OPCML: variants seen among roughly 807,000 people sequenced by gnomAD.
OPCML encodes opioid binding protein/cell adhesion molecule like.
Under a neutral mutation model 37.8 loss-of-function variants are expected in OPCML, and 13 were observed. The ratio of observed to expected loss-of-function variants is 0.34; its 90% CI spans 0.22 to 0.55. The LOEUF (loss-of-function observed/expected upper bound fraction) is 0.55. OPCML is among the 20% of genes least tolerant of loss of function. The pLI, the probability that OPCML is intolerant of heterozygous loss-of-function variation, is 0.91. For synonymous variants in OPCML, 176 were observed against 168.8 expected (o/e 1.04, Z -0.33); for missense variants, 341 against 435.6 (o/e 0.78, Z 1.93).
chr11:133,435,463 G>A (rs761455444), intron 1 of OPCML, among the ~76,000 whole-genome samples: 2 of 152,164 alleles, frequency 1.3e-5, no homozygotes, highest in Non-Finnish European at 2.9e-5. Context: ...CATTTCTCCT[G>A]GGGTGAGTTT....
chr11:132,573,055 T>G (rs540874218), intron 3 of OPCML, among the ~76,000 whole-genome samples: 1 of 151,968 alleles, frequency 6.6e-6, no homozygotes. Flanking sequence ...GATAGTTTAT[T>G]TTTAGTATAT....
intron 7 of OPCML, 143 bp from the exon 8 acceptor site, chr11:132,420,436 A>G (rs1352116993): frequency 7.1e-7 from 1 of 1,410,160 alleles, no homozygotes; most frequent in Non-Finnish European, 9.3e-7. Flanking sequence ...GAAAAAGCCC[A>G]TTGGGAGTAT....
intron 1 of OPCML, among the ~76,000 whole-genome samples, chr11:133,391,931 C>A (rs73604513): frequency 0.017 from 2,606 of 151,924 alleles, 81 homozygotes; most frequent in African/African-American, 0.059. Context: ...CAAAGTTACC[C>A]AGATAGAAAA....
At chr11:133,499,679 G>T (rs1947862385) in intron 1 of OPCML, among the ~76,000 whole-genome samples, 1 of 151,704 alleles carries the variant, frequency 6.6e-6, no homozygotes, top group African/African-American at 2.4e-5. Flanking sequence ...GGGAGTAGAA[G>T]AGGTTTGTTG....
At chr11:133,234,302 C>T (rs1276522363) in intron 1 of OPCML, among the ~76,000 whole-genome samples, 1 of 152,048 alleles carries the variant, frequency 6.6e-6, no homozygotes, top group African/African-American at 2.4e-5. Context: ...CCATGAATAA[C>T]CAAACCTCTG....
intron 2 of OPCML, among the ~76,000 whole-genome samples, chr11:132,710,936 G>C (rs1025500029): frequency 6.6e-6 from 1 of 152,054 alleles, no homozygotes; most frequent in African/African-American, 2.4e-5. Context: ...GGTCTGGAGA[G>C]GTTTCATAGG....
intron 2 of OPCML, among the ~76,000 whole-genome samples, chr11:132,868,437 C>T (rs953390216): frequency 2.0e-5 from 3 of 151,482 alleles, no homozygotes; most frequent in Admixed American, 1.3e-4. Context: ...GCCCTGTAGG[C>T]GCCACGTTGT....
chr11:132,866,924 A>T (rs1161019995), intron 2 of OPCML, among the ~76,000 whole-genome samples: 12 of 152,184 alleles, frequency 7.9e-5, no homozygotes, highest in Non-Finnish European at 4.4e-5. Context: ...GTATTCACTG[A>T]TCAACTTCTA....
intron 2 of OPCML, among the ~76,000 whole-genome samples, chr11:132,876,774 G>T (rs1943035680): frequency 1.3e-5 from 2 of 152,140 alleles, no homozygotes; most frequent in African/African-American, 4.8e-5. Flanking sequence ...AAACATGCCT[G>T]GTGCTTTCTA....
Position 133,027,386 on chromosome 11 carries a change from G to C in OPCML, c.62-84376C>G, listed in dbSNP as rs184101443. ...AGGCTAAGTTCAGGTAACAAAGAAG[G>C]TACTTACCATAGACATGCTAGTTAA... On this transcript the variant is annotated intron_variant, in intron 1 of 7. Coordinates refer to ENST00000524381, the MANE Select transcript of OPCML (RefSeq NM_001012393.5). Among the ~76,000 whole-genome samples, 95 of 152,204 alleles carry C rather than the reference G, an allele frequency of 6.2e-4. 1 individual carries two copies. In the East Asian group the frequency reaches 0.013, roughly 21 times the overall value.
At chr11:133,484,981 A>G (rs2120382051) in intron 1 of OPCML, among the ~76,000 whole-genome samples, 1 of 152,260 alleles carries the variant, frequency 6.6e-6, no homozygotes, top group Non-Finnish European at 1.5e-5. Context: ...AACCAACAGC[A>G]AATATTATAT....
chr11:132,897,035 C>T (rs1352340020), intron 2 of OPCML, among the ~76,000 whole-genome samples: 1 of 152,112 alleles, frequency 6.6e-6, no homozygotes, highest in Non-Finnish European at 1.5e-5. Context: ...CAAAAGATTG[C>T]TAGTTTTGAG....
At chr11:132,453,815 A>C (rs952936228) in intron 4 of OPCML, among the ~76,000 whole-genome samples, 1 of 152,178 alleles carries the variant, frequency 6.6e-6, no homozygotes, top group Non-Finnish European at 1.5e-5. Context: ...GGGTAGGGAC[A>C]CAGCATGGAC....
intron 1 of OPCML, among the ~76,000 whole-genome samples, chr11:133,096,130 A>ATGTGTG (rs59616366): frequency 0.055 from 8,227 of 150,166 alleles, 258 homozygotes; most frequent in Non-Finnish European, 0.083. Flanking sequence ...TTGTGCACAA[A>ATGTGTG]TGTGTGTGTG....
intron 1 of OPCML, among the ~76,000 whole-genome samples, chr11:133,253,102 T>C (rs897320070): frequency 1.4e-5 from 2 of 144,220 alleles, no homozygotes; most frequent in Admixed American, 7.4e-5. Flanking sequence ...GCTGAGAGCA[T>C]GCCATTGCAC....
At chr11:132,699,871 T>C (rs1943739903) in intron 2 of OPCML, among the ~76,000 whole-genome samples, 1 of 152,116 alleles carries the variant, frequency 6.6e-6, no homozygotes, top group Non-Finnish European at 1.5e-5. Context: ...AAAACTAGTT[T>C]GGAATTATTC....
In OPCML at chr11:132,420,205, G is replaced by A. The variant is rs781129499; in HGVS notation, c.1005C>T (p.Phe335=). 1.2e-6 allele frequency: 2 copies of A among 1,613,864 alleles called. No individual in the cohort carries two copies. Among genetic ancestry groups the A allele is most frequent in the Non-Finnish European group, 1.7e-6 (2 of 1,179,788 alleles). ...CTAGGATTTCTTATCAAAACTTGATGAAGAAGTGGGCTAAGAGGGTCCCTG... is the reference window on the plus strand; with the variant it reads ...CTAGGATTTCTTATCAAAACTTGATAAAGAAGTGGGCTAAGAGGGTCCCTG... The part of the protein sequence containing the change: ...WLSGTLLAHF[F]IKF The change falls in exon 8 of 8, where the codon TTC becomes TTT. Residue 335 remains phenylalanine (F), a synonymous_variant. Transcript: ENST00000524381.
chr11:133,344,457 T>C (rs747250418), intron 1 of OPCML, among the ~76,000 whole-genome samples: 2 of 152,172 alleles, frequency 1.3e-5, no homozygotes, highest in Non-Finnish European at 2.9e-5. Flanking sequence ...CCCAGCCAAA[T>C]TGGACAAATC....
chr11:133,451,249 A>G (rs1338449738), intron 1 of OPCML, among the ~76,000 whole-genome samples: 1 of 151,796 alleles, frequency 6.6e-6, no homozygotes, highest in Non-Finnish European at 1.5e-5. Context: ...AAAGGAGAGA[A>G]AAACCACTAC....
Sources: allele counts gnomAD v4.1 joint callset (sites outside exome capture counted in the v4.1 genomes callset), GRCh38; gene constraint gnomAD v4.1.1; transcripts MANE v1.5; gene names NCBI Gene and HGNC (gene_info 2026-07-23, HGNC 2026-07-21).